TENM2: variants seen among roughly 807,000 people sequenced by gnomAD.
The protein encoded by TENM2 is teneurin transmembrane protein 2, also known as teneurin-2.
In TENM2, 52 loss-of-function variants were observed where a neutral mutation model predicts 245.2. The observed-to-expected ratio is 0.21, with a 90% CI of 0.17 to 0.27. TENM2 has a LOEUF of 0.27. TENM2 is among the 10% of genes least tolerant of loss of function. TENM2 has a pLI of 1.00. For synonymous variants in TENM2, 1,363 were observed against 1,438.9 expected, an observed-to-expected ratio of 0.95 and a Z score of 1.19; for missense variants, 3,046 against 3,666.8, an observed-to-expected ratio of 0.83 and a Z score of 4.37.
intron 23 of TENM2, among the ~76,000 whole-genome samples, chr5:168,221,769 C>G (rs574898114): frequency 3.9e-5 from 6 of 152,130 alleles, no homozygotes; most frequent in African/African-American, 1.4e-4. Flanking sequence ...TGAGGGAACT[C>G]AGGTTTTCAC....
chr5:168,246,720 C>A (rs758552789), intron 26 of TENM2, 37 bp from the exon 29 acceptor site: 2 of 1,585,412 alleles, frequency 1.3e-6, no homozygotes, highest in South Asian at 2.3e-5. Flanking sequence ...TCCTCAAAAG[C>A]CAACTGATAT....
At chr5:167,413,237 G>C (rs1448571769) in intron 2 of TENM2, among the ~76,000 whole-genome samples, 1 of 152,052 alleles carries the variant, frequency 6.6e-6, no homozygotes, top group Non-Finnish European at 1.5e-5. Context: ...AGTGTTACAA[G>C]TTAGTTCATT....
intron 1 of TENM2, among the ~76,000 whole-genome samples, chr5:167,285,770 G>C (rs1263277812): frequency 6.6e-6 from 1 of 152,238 alleles, no homozygotes; most frequent in Non-Finnish European, 1.5e-5. Flanking sequence ...GCCTCGCTGT[G>C]TGTGCACTTT....
intron 11 of TENM2, among the ~76,000 whole-genome samples, chr5:168,126,177 A>C (rs1795835393): frequency 2.0e-5 from 3 of 152,208 alleles, no homozygotes; most frequent in Admixed American, 2.0e-4. Context: ...CCGCCAAGGT[A>C]CCAATCTGGG....
At chr5:167,493,874 T>C (rs1252615265) in intron 2 of TENM2, among the ~76,000 whole-genome samples, 4 of 151,966 alleles carry the variant, frequency 2.6e-5, no homozygotes, top group Non-Finnish European at 5.9e-5. Context: ...ATAAACAATA[T>C]AAAATAGGGT....
At chr5:167,857,709 AG>A (rs984382282) in intron 2 of TENM2, among the ~76,000 whole-genome samples, 1 of 152,190 alleles carries the variant, frequency 6.6e-6, no homozygotes, top group Non-Finnish European at 1.5e-5. Context: ...TGGTTTTATT[AG>A]GGGGGAGGGG....
At chr5:168,000,289 G>A (rs148804007) in intron 5 of TENM2, among the ~76,000 whole-genome samples, 1 of 152,300 alleles carries the variant, frequency 6.6e-6, no homozygotes, top group African/African-American at 2.4e-5. Flanking sequence ...CTAATGGACT[G>A]TAAATTAGTG....
At chr5:167,876,036 C>T (rs747588463) in exon 3 of TENM2, 2 of 1,551,452 alleles carry the variant, frequency 1.3e-6, no homozygotes, top group South Asian at 1.2e-5. Context: ...ATCTGCTCAG[C>T]TGCCTAGCTC....
At chr5:167,099,091 G>A in the TENM2 span, among the ~76,000 whole-genome samples, 1 of 152,152 alleles carries the variant, frequency 6.6e-6, no homozygotes, top group Admixed American at 6.5e-5. Flanking sequence ...TTAACAGTGT[G>A]GAATATGAAG....
chr5:167,550,735 TGTG>T (rs1772882805), intron 2 of TENM2, among the ~76,000 whole-genome samples: 1 of 148,866 alleles, frequency 6.7e-6, no homozygotes, highest in African/African-American at 2.5e-5. Flanking sequence ...TGTGTGTGTG[TGTG>T]TGTGTGTGTG....
the TENM2 span, among the ~76,000 whole-genome samples, chr5:167,162,772 A>G: frequency 6.6e-6 from 1 of 152,356 alleles, no homozygotes; most frequent in African/African-American, 2.4e-5. Context: ...CCTACCAGAA[A>G]GAAAGCAGAG....
At chr5:167,502,023 AG>A (rs1769243738) in intron 2 of TENM2, among the ~76,000 whole-genome samples, 1 of 151,954 alleles carries the variant, frequency 6.6e-6, no homozygotes, top group Non-Finnish European at 1.5e-5. Context: ...AAAAAAAAAA[AG>A]GTACTAGGTC....
intron 25 of TENM2, among the ~76,000 whole-genome samples, chr5:168,242,956 C>CAA (rs113157242): frequency 1.1e-4 from 15 of 136,382 alleles, no homozygotes; most frequent in South Asian, 2.4e-4. Flanking sequence ...GACTCTATCT[C>CAA]AAAAAAAAAA....
intron 2 of TENM2, among the ~76,000 whole-genome samples, chr5:167,427,526 G>T (rs913874558): frequency 3.6e-5 from 5 of 140,148 alleles, no homozygotes; most frequent in African/African-American, 1.3e-4. Flanking sequence ...AAGGGAGGGA[G>T]GGAAGGATGG....
At chr5:167,665,586 GA>G (rs1194229475) in intron 2 of TENM2, among the ~76,000 whole-genome samples, 1 of 152,114 alleles carries the variant, frequency 6.6e-6, no homozygotes, top group African/African-American at 2.4e-5. Context: ...TATTGAAAAA[GA>G]GAGATATAAA....
At chr5:167,453,228 T>C (rs1334895820) in intron 2 of TENM2, among the ~76,000 whole-genome samples, 1 of 152,018 alleles carries the variant, frequency 6.6e-6, no homozygotes, top group Non-Finnish European at 1.5e-5. Context: ...AATACTTTTT[T>C]AAATGGAGTT....
At chr5:167,056,923 G>C in the TENM2 span, among the ~76,000 whole-genome samples, 4 of 151,404 alleles carry the variant, frequency 2.6e-5, no homozygotes, top group Admixed American at 2.6e-4. Context: ...TATTGCCTGT[G>C]GTCCTTTCTT....
the TENM2 span, among the ~76,000 whole-genome samples, chr5:167,189,457 TTTTCTCTCTTCC>T: frequency 6.6e-6 from 1 of 152,080 alleles, no homozygotes; most frequent in African/African-American, 2.4e-5. Context: ...TATGTTTCTT[TTTTCTCTCTTCC>T]TTTCTCTCTT....
chr5:168,115,985 C>T (rs898895032), intron 9 of TENM2, among the ~76,000 whole-genome samples: 2 of 152,174 alleles, frequency 1.3e-5, no homozygotes, highest in African/African-American at 2.4e-5. Context: ...GCATGAGTCT[C>T]AGGAGGAACT....
Sources: gnomAD v4.1 joint callset for allele counts (sites outside exome capture counted in the v4.1 genomes callset) on GRCh38, gnomAD v4.1.1 for gene constraint, MANE v1.5 for transcripts, NCBI Gene and HGNC (gene_info 2026-07-23, HGNC 2026-07-21) for gene names.